The following UGCG variants were observed in gnomAD, a reference collection of about 807,000 sequenced individuals.
UGCG encodes the protein ceramide glucosyltransferase.
Under a neutral mutation model 49.5 loss-of-function variants are expected in UGCG, and 10 were observed. The ratio of observed to expected loss-of-function variants is 0.20; its 90% CI spans 0.12 to 0.34. UGCG has a LOEUF of 0.34. Ranked by LOEUF, UGCG falls within the 10% of genes least tolerant of loss-of-function variation. The probability of loss-of-function intolerance (pLI) is 1.00; values close to 1 mark genes in which losing one functional copy is unlikely to be tolerated. For missense variants in UGCG, 312 were observed against 483.7 expected, an observed-to-expected ratio of 0.65 and a Z score of 3.33; for synonymous variants, 182 against 158.2, an observed-to-expected ratio of 1.15 and a Z score of -1.13.
At chr9:111,911,441 A>G (rs750924724) in intron 1 of UGCG, among the ~76,000 whole-genome samples, 2 of 152,192 alleles carry the variant, frequency 1.3e-5, no homozygotes, top group African/African-American at 4.8e-5. Context: ...ATGTGTGTAT[A>G]TATTTTGACT....
At chr9:111,917,203 A>G (rs1838127719) in intron 2 of UGCG, among the ~76,000 whole-genome samples, 1 of 152,198 alleles carries the variant, frequency 6.6e-6, no homozygotes, top group Admixed American at 6.5e-5. Context: ...TTTATTTTCT[A>G]ATTATAAACT....
At chr9:111,918,041 T>C (rs141186346) in intron 2 of UGCG, among the ~76,000 whole-genome samples, 85 of 152,206 alleles carry the variant, frequency 5.6e-4, no homozygotes, top group African/African-American at 2.0e-3. Context: ...ATTATAGAAT[T>C]GATTTTTTTT....
chr9:111,929,964 A>G (rs1213928364), intron 6 of UGCG, among the ~76,000 whole-genome samples: 1 of 152,058 alleles, frequency 6.6e-6, no homozygotes, highest in Non-Finnish European at 1.5e-5. Flanking sequence ...GACTACAGGC[A>G]TGTACCACCA....
chr9:111,898,394 GT>G (rs536839365), intron 1 of UGCG, among the ~76,000 whole-genome samples: 227 of 144,934 alleles, frequency 1.6e-3, no homozygotes, highest in African/African-American at 4.0e-3. Flanking sequence ...TAGTTTTTTG[GT>G]TTTTTTTTTT....
chr9:111,916,741 C>T (rs1251476666), intron 2 of UGCG, among the ~76,000 whole-genome samples: 1 of 150,948 alleles, frequency 6.6e-6, no homozygotes, highest in Non-Finnish European at 1.5e-5. Context: ...GCTGGGATTA[C>T]AGACATGAGC....
chr9:111,912,885 C>A (rs774167704), intron 1 of UGCG, among the ~76,000 whole-genome samples: 5 of 148,460 alleles, frequency 3.4e-5, no homozygotes, highest in Non-Finnish European at 5.9e-5. Flanking sequence ...CCATTGTAAA[C>A]CTGGTGTGTG....
intron 2 of UGCG, among the ~76,000 whole-genome samples, chr9:111,921,938 A>G (rs1838230019): frequency 6.7e-6 from 1 of 149,704 alleles, no homozygotes; most frequent in Admixed American, 6.7e-5. Flanking sequence ...CAGCCTCCCA[A>G]GTAGCTGGGA....
chr9:111,918,896 G>A (rs1838161559), intron 2 of UGCG, among the ~76,000 whole-genome samples: 1 of 143,626 alleles, frequency 7.0e-6, no homozygotes, highest in Non-Finnish European at 1.5e-5. Flanking sequence ...CAGCACTCCC[G>A]CCTGGGCGAC....
Position 111,922,968 on chromosome 9 carries a change from G to C in UGCG, c.343+17G>C, listed in dbSNP as rs1260413793. 9 of 1,517,714 alleles carry C rather than the reference G, an allele frequency of 5.9e-6. No individual in the cohort carries two copies. In the South Asian group the frequency reaches 1.0e-4, roughly 17 times the overall value. The allele number at this position is 1,517,714 out of a possible 1,614,324, so 94.0% of individuals were successfully genotyped here. ...TGTTTATAGGTAAGTAACAAATTCT[G>C]TAGTAACCATTTTCCATTGATAGTA... On this transcript the variant is annotated intron_variant, in intron 3 of 8. Coordinates refer to ENST00000374279, the MANE Select transcript of UGCG (RefSeq NM_003358.3).
intron 6 of UGCG, 28 bp from the exon 7 acceptor site, chr9:111,931,242 AC>A (rs779025868): frequency 8.1e-6 from 13 of 1,606,742 alleles, no homozygotes; most frequent in Non-Finnish European, 1.1e-5. Context: ...CATCATCATA[AC>A]TTATTTTCTA....
intron 1 of UGCG, among the ~76,000 whole-genome samples, chr9:111,912,502 C>A (rs1367019696): frequency 6.6e-6 from 1 of 151,844 alleles, no homozygotes; most frequent in Admixed American, 6.6e-5. Context: ...TCATTTGAAC[C>A]CGGGAGGCGA....
At chr9:111,923,720 C>T (rs1229653772) in intron 3 of UGCG, among the ~76,000 whole-genome samples, 2 of 152,050 alleles carry the variant, frequency 1.3e-5, no homozygotes, top group Non-Finnish European at 2.9e-5. Context: ...GCAACCCCTT[C>T]CACCTGGGTT....
intron 2 of UGCG, among the ~76,000 whole-genome samples, chr9:111,919,579 C>T (rs1838180206): frequency 6.6e-6 from 1 of 151,972 alleles, no homozygotes; most frequent in South Asian, 2.1e-4. Flanking sequence ...ATCACGAGGT[C>T]AGGAGATTGA....
Position 111,933,004 on chromosome 9 carries a change from C to A in UGCG, c.*7C>A. The A allele has an allele frequency of 6.5e-7, 1 of 1,544,296 alleles. No individual in the cohort carries two copies. The highest frequency in any genetic ancestry group is 8.7e-7 in the Non-Finnish European group (1 of 1,145,442). On this transcript the variant is annotated 3_prime_UTR_variant, in exon 9 of 9. Coordinates refer to ENST00000374279, the MANE Select transcript of UGCG (RefSeq NM_003358.3). ...GGAAATCCTAGATGTATAACTACAG[C>A]TTTGTGACTGTATATAAAGGAAAAA...
At chr9:111,907,195 C>G (rs1425862447) in intron 1 of UGCG, among the ~76,000 whole-genome samples, 2 of 152,194 alleles carry the variant, frequency 1.3e-5, no homozygotes, top group African/African-American at 4.8e-5. Context: ...TTCCATCTCT[C>G]TTCTCTCAAA....
chr9:111,908,982 G>C (rs1474484806), intron 1 of UGCG, among the ~76,000 whole-genome samples: 1 of 152,104 alleles, frequency 6.6e-6, no homozygotes, highest in African/African-American at 2.4e-5. Flanking sequence ...GCAGTGGTGC[G>C]ATCTCGGCTC....
chr9:111,917,459 A>G (rs769813913), intron 2 of UGCG, among the ~76,000 whole-genome samples: 7 of 152,240 alleles, frequency 4.6e-5, no homozygotes, highest in Non-Finnish European at 1.0e-4. Context: ...CGTGACTGCC[A>G]GGCGCAGTGC....
Position 111,897,201 on chromosome 9 carries a change from C to A in UGCG, c.-15C>A. On this transcript the variant is annotated 5_prime_UTR_variant, in exon 1 of 9. Transcript: ENST00000374279. ...GGCGGCCGCAGCGGGCCGGGCCGGT[C>A]CGGCGGGCCGGGGGATGGCGCTGCT... is the stretch of plus-strand genomic sequence containing the variant. 6.5e-7 allele frequency: 1 copy of A among 1,541,064 alleles called. No homozygotes were observed. The highest frequency in any genetic ancestry group is 8.7e-7 in the Non-Finnish European group (1 of 1,145,376).
rs558304173 is a variant in UGCG, at chr9:111,927,486, C to G, written c.558+990C>G. 1.9e-4 allele frequency among the ~76,000 whole-genome samples: 29 copies of G among 151,772 alleles called. 1 individual carries two copies. In the East Asian group the frequency reaches 5.6e-3, roughly 29 times the overall value. ...TTTTTTTTTTAGATGGAGTCTCGCTCTGTCGCCCAGGCTGGAGTGCAGTGG... is the reference window on the plus strand; with the variant it reads ...TTTTTTTTTTAGATGGAGTCTCGCTGTGTCGCCCAGGCTGGAGTGCAGTGG... On this transcript the variant is annotated intron_variant, in intron 5 of 8. Coordinates refer to ENST00000374279, the MANE Select transcript of UGCG (RefSeq NM_003358.3).
Sources: allele counts gnomAD v4.1 joint callset (sites outside exome capture counted in the v4.1 genomes callset), GRCh38; gene constraint gnomAD v4.1.1; transcripts MANE v1.5; gene names NCBI Gene and HGNC (gene_info 2026-07-23, HGNC 2026-07-21).